DOCK3: variants seen among roughly 807,000 people sequenced by gnomAD.
DOCK3 encodes the protein dedicator of cytokinesis 3.
Under a neutral mutation model 265.6 loss-of-function variants are expected in DOCK3, and 60 were observed. That is an observed-to-expected ratio of 0.23 (90% CI 0.18 to 0.28). DOCK3 has a LOEUF of 0.28. DOCK3 is among the 10% of genes least tolerant of loss of function. The pLI is 1.00. For missense variants in DOCK3, 1,981 were observed against 2,594.3 expected (o/e 0.76, Z 5.14); for synonymous variants, 881 against 938.0 (o/e 0.94, Z 1.11).
At position 50,675,505 on chromosome 3, in the gene DOCK3, G is replaced by C. The variant is rs961139147; in HGVS notation, c.37+205G>C. On this transcript the variant is annotated intron_variant, in intron 1 of 52. Transcript: ENST00000266037. This position sits in a 1 kb window ranked among gnomAD's most constrained non-coding sequence, Gnocchi z 6.1. ...GGGTCTCTGTGCAGAGAGGGCGGCA[G>C]GGGGCGCTGGCGGTGCGGCCTTGGC... is the stretch of plus-strand genomic sequence containing the variant. Among the ~76,000 whole-genome samples, 1 of 151,958 alleles carries C rather than the reference G, an allele frequency of 6.6e-6. No individual in the cohort carries two copies. Among genetic ancestry groups the C allele is most frequent in the African/African-American group, 2.4e-5 (1 of 41,410 alleles).
intron 10 of DOCK3, among the ~76,000 whole-genome samples, chr3:51,150,982 G>A (rs2085559143): frequency 6.6e-6 from 1 of 152,158 alleles, no homozygotes; most frequent in African/African-American, 2.4e-5. Context: ...AAGTCTCTTT[G>A]TAGGTCTCTA....
chr3:51,363,535 C>T (rs531290511), intron 49 of DOCK3, among the ~76,000 whole-genome samples: 2 of 152,304 alleles, frequency 1.3e-5, no homozygotes, highest in African/African-American at 4.8e-5. Flanking sequence ...ATGTGCACAA[C>T]GTGCAGGTTT....
chr3:51,201,037 A>G (rs1476509797), intron 12 of DOCK3, among the ~76,000 whole-genome samples: 1 of 152,078 alleles, frequency 6.6e-6, no homozygotes, highest in Admixed American at 6.6e-5. Context: ...CTAAACATGG[A>G]AAGGAACAAC....
chr3:51,001,808 CATT>C (rs1310602420), intron 5 of DOCK3, among the ~76,000 whole-genome samples: 5 of 152,116 alleles, frequency 3.3e-5, no homozygotes, highest in African/African-American at 4.8e-5. Flanking sequence ...AAGTACTCAT[CATT>C]GTCAGTATAT....
At chr3:50,870,617 A>T (rs1274643241) in intron 3 of DOCK3, among the ~76,000 whole-genome samples, 1 of 152,016 alleles carries the variant, frequency 6.6e-6, no homozygotes, top group Non-Finnish European at 1.5e-5. Flanking sequence ...CAGCATTATT[A>T]TTGATAAGTA....
At chr3:51,379,630 C>G in intron 51 of DOCK3, 1 of 985,352 alleles carries the variant, frequency 1.0e-6, no homozygotes, top group Non-Finnish European at 1.2e-6. Context: ...TGCTCAAGGG[C>G]CACAGCAACA....
chr3:51,265,982 A>G (rs1406654524), intron 23 of DOCK3, among the ~76,000 whole-genome samples: 5 of 152,212 alleles, frequency 3.3e-5, no homozygotes, highest in Admixed American at 3.3e-4. Context: ...TTAAGCTGAT[A>G]AGCAACTTCA....
intron 22 of DOCK3, among the ~76,000 whole-genome samples, chr3:51,258,444 G>T (rs2079667305): frequency 6.6e-6 from 1 of 152,136 alleles, no homozygotes; most frequent in Admixed American, 6.6e-5. Context: ...CATTTTTGGT[G>T]AATCTTTCCA....
chr3:51,207,311 C>T (rs2089271880), intron 12 of DOCK3, among the ~76,000 whole-genome samples: 1 of 152,132 alleles, frequency 6.6e-6, no homozygotes, highest in African/African-American at 2.4e-5. Context: ...TCCAGTTCCA[C>T]CATACCACCA....
chr3:50,824,145 A>T (rs1350612848), intron 2 of DOCK3, among the ~76,000 whole-genome samples: 1 of 152,178 alleles, frequency 6.6e-6, no homozygotes, highest in East Asian at 1.9e-4. Context: ...GTTGGGTTGT[A>T]TGGGGCTTGC....
chr3:50,771,456 G>A (rs1054342114), intron 1 of DOCK3, among the ~76,000 whole-genome samples: 1 of 152,316 alleles, frequency 6.6e-6, no homozygotes, highest in African/African-American at 2.4e-5. Flanking sequence ...ACAAGTGCTG[G>A]TGAGGATGTG....
intron 2 of DOCK3, among the ~76,000 whole-genome samples, chr3:50,815,107 G>A (rs1470221285): frequency 6.6e-6 from 1 of 152,152 alleles, no homozygotes. Flanking sequence ...ACAGGTGTGA[G>A]CCACCGCGCC....
chr3:51,031,240 G>A (rs1167153139), intron 5 of DOCK3, among the ~76,000 whole-genome samples: 2 of 152,082 alleles, frequency 1.3e-5, no homozygotes, highest in Non-Finnish European at 2.9e-5. Flanking sequence ...AGCTTTAGTG[G>A]ATATCTATCC....
chr3:51,005,556 G>T (rs1236345984), intron 5 of DOCK3, among the ~76,000 whole-genome samples: 1 of 152,074 alleles, frequency 6.6e-6, no homozygotes, highest in Non-Finnish European at 1.5e-5. Flanking sequence ...ATTCCATATT[G>T]TATCAGCAAA....
At position 50,920,552 on chromosome 3, in the gene DOCK3, T is replaced by C. The variant is rs567130177; in HGVS notation, c.219-13429T>C. On this transcript the variant is annotated intron_variant, in intron 4 of 52. Coordinates refer to ENST00000266037, the MANE Select transcript of DOCK3 (RefSeq NM_004947.5). ...TATTTGTGTAGAGGTGTTTATAGTATTCTCTGATGGTAGTTTGTATTTCTG... is the reference window on the plus strand; with the variant it reads ...TATTTGTGTAGAGGTGTTTATAGTACTCTCTGATGGTAGTTTGTATTTCTG... Among the ~76,000 whole-genome samples the C allele has an allele frequency of 3.3e-5, 5 of 152,346 alleles. No homozygotes were observed. In the East Asian group the frequency reaches 9.6e-4, roughly 29 times the overall value.
At chr3:50,727,985 A>G (rs2037938287) in intron 1 of DOCK3, among the ~76,000 whole-genome samples, 1 of 152,228 alleles carries the variant, frequency 6.6e-6, no homozygotes, top group Admixed American at 6.5e-5. Context: ...ATTTTAGATC[A>G]TTATACCCAA....
At chr3:50,744,068 G>C (rs932090250) in intron 1 of DOCK3, among the ~76,000 whole-genome samples, 6 of 152,140 alleles carry the variant, frequency 3.9e-5, no homozygotes, top group African/African-American at 1.4e-4. Flanking sequence ...TAGTGTGCTT[G>C]TTGTTCATTT....
intron 18 of DOCK3, among the ~76,000 whole-genome samples, chr3:51,229,033 C>G (rs1331450259): frequency 6.6e-6 from 1 of 152,208 alleles, no homozygotes; most frequent in Non-Finnish European, 1.5e-5. Flanking sequence ...CACAGTACAT[C>G]CAGAGTTTAC....
chr3:51,295,982 A>G (rs1332509842), intron 27 of DOCK3, among the ~76,000 whole-genome samples: 1 of 152,238 alleles, frequency 6.6e-6, no homozygotes, highest in Non-Finnish European at 1.5e-5. Flanking sequence ...CTGGAACTAC[A>G]GGCACTGACA....
Sources: gnomAD v4.1 joint callset for allele counts (sites outside exome capture counted in the v4.1 genomes callset) on GRCh38, gnomAD v4.1.1 for gene constraint, Gnocchi (gnomAD v3.1) non-coding constraint, MANE v1.5 for transcripts, NCBI Gene and HGNC (gene_info 2026-07-23, HGNC 2026-07-21) for gene names.